The following P3H1 variants were observed in gnomAD, a reference collection of about 807,000 sequenced individuals.
P3H1 encodes the protein prolyl 3-hydroxylase 1.
A neutral mutation model predicts 84.0 loss-of-function variants in P3H1; 69 were observed. The observed-to-expected ratio is 0.82, with a 90% CI of 0.68 to 1.00. The LOEUF is 1.00. P3H1 is among the 50% of genes least tolerant of loss of function. The probability of loss-of-function intolerance (pLI) is 0.00; values close to 1 mark genes in which losing one functional copy is unlikely to be tolerated. For missense variants in P3H1, 878 were observed against 962.8 expected (o/e 0.91, Z 1.17); for synonymous variants, 366 against 388.8 (o/e 0.94, Z 0.69).
At chr1:42,748,471 G>A in intron 11 of P3H1, 154 bp from the exon 12 acceptor site, 1 of 707,254 alleles carries the variant, frequency 1.4e-6, no homozygotes, top group Non-Finnish European at 2.6e-6. Context: ...AAGCCTAGGG[G>A]TCAGGACAAG....
chr1:42,747,975 A>T (rs1024229606), intron 12 of P3H1, among the ~76,000 whole-genome samples, 177 bp from the exon 13 acceptor site: 12 of 151,104 alleles, frequency 7.9e-5, no homozygotes, highest in Admixed American at 4.6e-4. Flanking sequence ...CCCTCGCCTT[A>T]GAGTCCCCTG....
At chr1:42,755,422 G>C (rs1652342992) in intron 6 of P3H1, 126 bp downstream of exon 6, 2 of 1,008,774 alleles carry the variant, frequency 2.0e-6, no homozygotes, top group African/African-American at 3.2e-5. Flanking sequence ...GCCTTGCACA[G>C]ATCCCAGGCT....
At chr1:42,759,981 C>CTTTT (rs36110403) in intron 2 of P3H1, 12 of 103,010 alleles carry the variant, frequency 1.2e-4, no homozygotes, top group Non-Finnish European at 1.7e-4. Context: ...GATTCTTGCA[C>CTTTT]TTTTTTTTTT....
intron 8 of P3H1, among the ~76,000 whole-genome samples, chr1:42,753,750 A>C (rs930552069): frequency 6.6e-6 from 1 of 151,898 alleles, no homozygotes; most frequent in Non-Finnish European, 1.5e-5. Flanking sequence ...GTGAAACCCT[A>C]TCTCTACTAA....
chr1:42,759,971 G>C (rs1250749426), intron 2 of P3H1: 2 of 141,424 alleles, frequency 1.4e-5, no homozygotes, highest in African/African-American at 5.2e-5. Flanking sequence ...ATTAGTGACA[G>C]ATTCTTGCAC....
chr1:42,752,158 G>T, intron 10 of P3H1, 116 bp downstream of exon 10: 1 of 844,308 alleles, frequency 1.2e-6, no homozygotes. Context: ...CAAGAATGTT[G>T]GCAGGTGGAC....
chr1:42,757,057 C>T (rs1200103116), intron 5 of P3H1, among the ~76,000 whole-genome samples: 1 of 152,180 alleles, frequency 6.6e-6, no homozygotes, highest in Non-Finnish European at 1.5e-5. Context: ...CCTCACTCCC[C>T]TCAGACTCCC....
At chr1:42,746,983 C>T in intron 14 of P3H1, 131 bp from the exon 15 acceptor site, 1 of 1,614,184 alleles carries the variant, frequency 6.2e-7, no homozygotes, top group Non-Finnish European at 8.5e-7. Context: ...CCAGCAGGTC[C>T]TACTCTCTGG....
At chr1:42,755,443 T>G (rs1652343863) in intron 6 of P3H1, 105 bp downstream of exon 6, 5 of 1,116,674 alleles carry the variant, frequency 4.5e-6, no homozygotes, top group Non-Finnish European at 6.8e-6. Flanking sequence ...AGGCTCAGCC[T>G]CCAGCAAGTT....
Position 42,762,365 on chromosome 1 carries a change from C to T in P3H1, c.576G>A (p.Val192=), listed in dbSNP as rs1234492964. 1.2e-6 allele frequency: 2 copies of T among 1,614,196 alleles called. No individual in the cohort carries two copies. Among genetic ancestry groups the T allele is most frequent in the Non-Finnish European group, 1.7e-6 (2 of 1,180,032 alleles). The change falls in exon 2 of 15, where the codon GTG becomes GTA. Residue 192 remains valine, a synonymous_variant. Transcript: ENST00000296388. ...CAAGATCCTTGAAGTCGGCCTCCTT[C>T]ACTCCAGACATGGTTTGGTAATAGT... ...NLDYYQTMSG[V]KEADFKDLET... is the part of the protein sequence containing the mutation.
chr1:42,766,922 G>T lies in P3H1; in HGVS notation c.50C>A (p.Ala17Asp). ...KLLTTLLAVV[A>D]AASQAEVESE... ...CTCGACCTCGGCTTGGGAGGCAGCG[G>T]CCACGACAGCCAGCAGTGTGGTCAG... The change falls in exon 1 of 15, where the codon GCC (alanine) becomes GAC (aspartate). Residue 17 changes from alanine to aspartate, a missense_variant. Ala to Asp is a moderately radical substitution (Grantham distance 126, BLOSUM62 -2). Coordinates refer to ENST00000296388, the MANE Select transcript of P3H1 (RefSeq NM_022356.4). 6.2e-7 allele frequency: 1 copy of T among 1,609,228 alleles called. No individual in the cohort carries two copies.
chr1:42,755,010 G>A lies in P3H1; in HGVS notation c.1224-20C>T, dbSNP rs1458163337. ...TCTGACCTATGAGCACAGCCGCTCTGAGGACTGCATTCCAGGGCCAGCCCT... is the reference window on the plus strand; with the variant it reads ...TCTGACCTATGAGCACAGCCGCTCTAAGGACTGCATTCCAGGGCCAGCCCT... On this transcript the variant is annotated intron_variant, in intron 7 of 14. Coordinates refer to ENST00000296388, the MANE Select transcript of P3H1 (RefSeq NM_022356.4). 6.2e-7 allele frequency: 1 copy of A among 1,614,102 alleles called. No homozygotes were observed. Among genetic ancestry groups the A allele is most frequent in the Non-Finnish European group, 8.5e-7 (1 of 1,180,038 alleles).
At chr1:42,751,573 A>T (rs1033218399) in intron 10 of P3H1, 5 of 124,956 alleles carry the variant, frequency 4.0e-5, no homozygotes, top group African/African-American at 1.7e-4. Context: ...AATAAAAAAA[A>T]AATAAATAAA....
chr1:42,747,553 G>A (rs1387001520), intron 13 of P3H1, 141 bp from the exon 14 acceptor site: 5 of 1,115,136 alleles, frequency 4.5e-6, no homozygotes, highest in East Asian at 2.4e-5. Context: ...AAAGAGAAAG[G>A]GTGACTGGTT....
At chr1:42,751,776 TGCCCAGTCTCGG>T (rs1197032739) in intron 10 of P3H1, 3 of 191,080 alleles carry the variant, frequency 1.6e-5, no homozygotes, top group African/African-American at 7.0e-5. Flanking sequence ...TTTTGTAAAT[TGCCCAGTCTCGG>T]GTACGTCTTT....
intron 10 of P3H1, 37 bp downstream of exon 10, chr1:42,752,237 T>C (rs1208275444): frequency 1.3e-6 from 2 of 1,555,550 alleles, no homozygotes; most frequent in African/African-American, 2.7e-5. Flanking sequence ...TCCCCACCCC[T>C]TTCTCCACAC....
Position 42,758,858 on chromosome 1 carries a change from A to G in P3H1, c.934T>C (p.Tyr312His), listed in dbSNP as rs1180298586. Residue 312 changes from tyrosine (Y) to histidine (H), a missense_variant, in exon 4 of 15, where the codon TAT becomes CAT. Coordinates refer to ENST00000296388, the MANE Select transcript of P3H1 (RefSeq NM_022356.4). ...SHYNYLQFAYYNIGNYTQAVE... is the reference protein window; with the variant it reads ...SHYNYLQFAYHNIGNYTQAVE... ...GAAGGAAAGTAGGCCTTACTGTTAT[A>G]GTAGGCAAACTGCAGATAATTATAA... 1.9e-6 allele frequency: 3 copies of G among 1,614,202 alleles called. No homozygotes were observed. The highest frequency in any genetic ancestry group is 2.5e-6 in the Non-Finnish European group (3 of 1,179,992).
At chr1:42,747,191 G>A (rs773846650) in intron 14 of P3H1, 81 bp downstream of exon 14, 4 of 1,614,212 alleles carry the variant, frequency 2.5e-6, no homozygotes, top group Non-Finnish European at 2.5e-6. Flanking sequence ...GGGATTTGGG[G>A]AAGAGAAAGG....
rs375176399 is a variant in P3H1 at position 42,766,824 on chromosome 1, C to T, written c.148G>A (p.Asp50Asn). The T allele has an allele frequency of 1.7e-5, 28 of 1,604,100 alleles. No homozygotes were observed. The highest frequency in any genetic ancestry group is 6.7e-5 in the Admixed American group (4 of 59,988). ...ATGCTCAGGACCACCCCGGGCCAGT[C>T]CCCGCGCGCGTAGGCTGCGGTCCCC... The part of the protein sequence containing the change: ...AEGTAAYARG[D>N]WPGVVLSMER... Residue 50 changes from aspartate (D) to asparagine (N), a missense_variant, in exon 1 of 15, where the codon GAC becomes AAC. Coordinates refer to ENST00000296388, the MANE Select transcript of P3H1 (RefSeq NM_022356.4).
Sources: allele counts gnomAD v4.1 joint callset (sites outside exome capture counted in the v4.1 genomes callset), GRCh38; gene constraint gnomAD v4.1.1; transcripts MANE v1.5; gene names NCBI Gene and HGNC (gene_info 2026-07-23, HGNC 2026-07-21).